CDH23: variants seen among roughly 807,000 people sequenced by gnomAD.
CDH23 encodes the protein cadherin-23.
A neutral mutation model predicts 317.1 loss-of-function variants in CDH23; 189 were observed. The observed-to-expected ratio is 0.60, with a 90% CI of 0.53 to 0.67. The LOEUF is 0.67. Among genes scored for constraint, CDH23 ranks in the 30% least tolerant of loss-of-function variants. The pLI is 0.00. For synonymous variants in CDH23, 1,839 were observed against 1,876.8 expected (o/e 0.98, Z 0.52); for missense variants, 4,401 against 4,592.4 (o/e 0.96, Z 1.20).
intron 3 of CDH23, among the ~76,000 whole-genome samples, chr10:71,454,267 T>C (rs530907326): frequency 5.9e-5 from 9 of 152,242 alleles, no homozygotes; most frequent in Non-Finnish European, 1.3e-4. Context: ...TTTGGGTTTA[T>C]GTGAATATTA....
intron 1 of CDH23, among the ~76,000 whole-genome samples, chr10:71,426,187 C>T (rs762602448): frequency 2.0e-5 from 3 of 152,172 alleles, no homozygotes; most frequent in Non-Finnish European, 2.9e-5. Context: ...ACCTGCATGG[C>T]CCCTGAGCAA....
At chr10:71,791,088 C>A (rs972206328) in intron 46 of CDH23, 44 bp from the exon 47 acceptor site, 1 of 1,513,302 alleles carries the variant, frequency 6.6e-7, no homozygotes, top group Non-Finnish European at 9.0e-7. Context: ...TCCCACCGCA[C>A]CCCTTTTCTG....
chr10:71,412,760 G>A (rs1589274925), intron 1 of CDH23, among the ~76,000 whole-genome samples: 1 of 152,196 alleles, frequency 6.6e-6, no homozygotes, highest in African/African-American at 2.4e-5. Context: ...CTAATGGCTA[G>A]TGATGTTGAG....
At chr10:71,810,296 G>C (rs1328777535) in intron 61 of CDH23, among the ~76,000 whole-genome samples, 176 bp from the exon 62 acceptor site, 1 of 152,202 alleles carries the variant, frequency 6.6e-6, no homozygotes, top group African/African-American at 2.4e-5. Context: ...AATAGTACCT[G>C]GCCAAGTGTG....
Position 71,566,890 on chromosome 10 carries a change from T to C in CDH23, c.578T>C (p.Leu193Pro). 1 of 1,613,836 alleles carries C rather than the reference T, an allele frequency of 6.2e-7. No homozygotes were observed. Among genetic ancestry groups the C allele is most frequent in the Non-Finnish European group, 8.5e-7 (1 of 1,179,882 alleles). ...ARGIVTVIRE[L>P]DYETTQAYQL... ...GGTATCGTCACAGTGATCCGGGAGC[T>C]GGACTACGAGACCACACAGGCCTAC... Residue 193 changes from leucine to proline, a missense_variant, in exon 7 of 70, where the codon CTG (leucine) becomes CCG (proline). Physicochemically the swap from Leu to Pro is moderately conservative, Grantham distance 98 (BLOSUM62 -3). Around this residue, in one of 3 missense-constraint regions of CDH23, gnomAD observed 3,068 missense variants for 3,203.3 expected, o/e 0.96. Transcript: ENST00000224721.
intron 14 of CDH23, among the ~76,000 whole-genome samples, chr10:71,651,994 T>G (rs1863197876): frequency 6.6e-6 from 1 of 152,222 alleles, no homozygotes; most frequent in Non-Finnish European, 1.5e-5. Context: ...CAAGGCCTTC[T>G]ATCCCTGCTG....
chr10:71,468,981 G>A (rs72642237), intron 3 of CDH23, among the ~76,000 whole-genome samples: 2,111 of 152,220 alleles, frequency 0.014, 84 homozygotes, highest in East Asian at 0.092. Context: ...GCCTGAGGGA[G>A]GCTCAGTAGC....
chr10:71,670,154 G>A (rs1308591918), intron 14 of CDH23, among the ~76,000 whole-genome samples: 14 of 152,304 alleles, frequency 9.2e-5, no homozygotes, highest in Admixed American at 7.8e-4. Context: ...AGGGAGCCTC[G>A]GCAGGGGCCA....
chr10:71,528,044 C>A (rs964531817), intron 6 of CDH23, among the ~76,000 whole-genome samples: 1 of 152,176 alleles, frequency 6.6e-6, no homozygotes, highest in Non-Finnish European at 1.5e-5. Context: ...TGGCTAGCTT[C>A]CCGGCTGGTC....
At chr10:71,601,949 G>A (rs1409542666) in intron 9 of CDH23, among the ~76,000 whole-genome samples, 3 of 123,030 alleles carry the variant, frequency 2.4e-5, no homozygotes, top group Non-Finnish European at 5.3e-5. Flanking sequence ...GCCTGGGCTG[G>A]GTGGGCGGCG....
At chr10:71,545,262 G>T (rs1856208623) in intron 6 of CDH23, among the ~76,000 whole-genome samples, 1 of 152,164 alleles carries the variant, frequency 6.6e-6, no homozygotes, top group Admixed American at 6.5e-5. Context: ...GGCCACGGCA[G>T]GGGAGGGGGA....
At chr10:71,814,335 A>G (rs150187598) in intron 69 of CDH23, among the ~76,000 whole-genome samples, 61 of 152,360 alleles carry the variant, frequency 4.0e-4, no homozygotes, top group African/African-American at 1.3e-3. Context: ...GGATCACTTG[A>G]GCCCAGGAGT....
At chr10:71,732,923 C>T (rs530091452) in intron 32 of CDH23, among the ~76,000 whole-genome samples, 2 of 152,304 alleles carry the variant, frequency 1.3e-5, no homozygotes, top group African/African-American at 4.8e-5. Flanking sequence ...CCCACAGGCT[C>T]ACAGCTCAGT....
intron 6 of CDH23, among the ~76,000 whole-genome samples, chr10:71,516,969 G>A (rs980549449): frequency 4.6e-5 from 7 of 152,142 alleles, no homozygotes; most frequent in South Asian, 2.1e-4. Flanking sequence ...CATCCCTCCC[G>A]CCAGACTAAG....
chr10:71,398,037 C>T (rs1473827988), intron 1 of CDH23, among the ~76,000 whole-genome samples: 4 of 152,242 alleles, frequency 2.6e-5, no homozygotes, highest in Non-Finnish European at 5.9e-5. Context: ...CCCCTCATCT[C>T]CACCGTAGGT....
intron 21 of CDH23, 58 bp downstream of exon 21, chr10:71,694,317 C>T: frequency 1.5e-6 from 2 of 1,316,816 alleles, no homozygotes; most frequent in Non-Finnish European, 2.2e-6. Flanking sequence ...CTGCTGCTCC[C>T]TGCTTGTACC....
intron 1 of CDH23, among the ~76,000 whole-genome samples, chr10:71,418,912 C>T (rs1202534385): frequency 6.6e-6 from 1 of 152,212 alleles, no homozygotes; most frequent in African/African-American, 2.4e-5. Context: ...ATAATTGCAT[C>T]CTCCTCATCA....
rs116774103 is a variant in CDH23 at position 71,453,260 on chromosome 10, C to T, written c.145+6865C>T. 3.1e-3 allele frequency among the ~76,000 whole-genome samples: 470 copies of T among 152,364 alleles called. 4 individuals are homozygous for T. The highest frequency in any genetic ancestry group is 0.011 in the African/African-American group (446 of 41,584). On this transcript the variant is annotated intron_variant, in intron 3 of 69. Coordinates refer to ENST00000224721, the MANE Select transcript of CDH23 (RefSeq NM_022124.6). The stretch of plus-strand genomic sequence containing the variant: ...CCCAGGCAGCGCCTGGCACTGCTGC[C>T]AGTCGGTGCTGATTAATTTCTCTCC...
In CDH23 at chr10:71,738,659, A is replaced by G. The variant is rs779368777; in HGVS notation, c.4359+12A>G. The G allele has an allele frequency of 9.1e-5, 147 of 1,611,466 alleles. No individual in the cohort carries two copies. Among genetic ancestry groups the G allele is most frequent in the Non-Finnish European group, 1.2e-4 (144 of 1,178,948 alleles). ...GCAGCAATGGGCAGGTGGGCCACCGAGTGAAACAGCCAGGATCCACCATGT... is the reference window on the plus strand; with the variant it reads ...GCAGCAATGGGCAGGTGGGCCACCGGGTGAAACAGCCAGGATCCACCATGT... On this transcript the variant is annotated intron_variant, in intron 35 of 69. Coordinates refer to ENST00000224721, the MANE Select transcript of CDH23 (RefSeq NM_022124.6).
Sources: allele counts gnomAD v4.1 joint callset (sites outside exome capture counted in the v4.1 genomes callset), GRCh38; gene constraint gnomAD v4.1.1; regional missense constraint gnomAD v4.1.1; transcripts MANE v1.5; gene names NCBI Gene and HGNC (gene_info 2026-07-23, HGNC 2026-07-21).